Variants in SSH2 observed in about 807,000 individuals in gnomAD.
SSH2 encodes slingshot protein phosphatase 2, also known as protein phosphatase Slingshot homolog 2.
SSH2 carries 37 observed loss-of-function variants against 135.2 expected under a neutral mutation model. The observed-to-expected ratio is 0.27, with a 90% CI of 0.21 to 0.36. SSH2 has a LOEUF of 0.36. Ranked by LOEUF, SSH2 falls within the 10% of genes least tolerant of loss-of-function variation. SSH2 has a pLI of 1.00. For synonymous variants in SSH2, 628 were observed against 646.2 expected, an observed-to-expected ratio of 0.97 and a Z score of 0.43; for missense variants, 1,408 against 1,765.3, an observed-to-expected ratio of 0.80 and a Z score of 3.63.
chr17:29,664,440 G>A (rs1424854798), intron 11 of SSH2, among the ~76,000 whole-genome samples: 1 of 151,756 alleles, frequency 6.6e-6, no homozygotes. Flanking sequence ...TATCAGTCTT[G>A]ATGATTAAAT....
At chr17:29,761,885 A>ATTTTTT (rs199771095) in intron 3 of SSH2, among the ~76,000 whole-genome samples, 16 of 139,430 alleles carry the variant, frequency 1.1e-4, no homozygotes, top group African/African-American at 4.5e-4. Flanking sequence ...ATATATATAT[A>ATTTTTT]TATTTTTTTT....
At chr17:29,741,934 C>CTTTTTTTTTTTT (rs71138848) in intron 3 of SSH2, among the ~76,000 whole-genome samples, 21 of 97,938 alleles carry the variant, frequency 2.1e-4, no homozygotes, top group African/African-American at 3.6e-4. Flanking sequence ...ATTTTTTTTT[C>CTTTTTTTTTTTT]TTTTTTTTTT....
intron 2 of SSH2, among the ~76,000 whole-genome samples, chr17:29,816,183 C>T (rs1166168470): frequency 6.6e-6 from 1 of 152,038 alleles, no homozygotes; most frequent in East Asian, 1.9e-4. Context: ...GTACAAGTAT[C>T]CCAGGGTCAT....
chr17:29,643,741 G>T (rs1358068740), intron 14 of SSH2, among the ~76,000 whole-genome samples: 1 of 152,056 alleles, frequency 6.6e-6, no homozygotes, highest in Non-Finnish European at 1.5e-5. Flanking sequence ...TGATCCACCC[G>T]CCTCGGCCTC....
Position 29,626,069 on chromosome 17 carries a change from C to T in SSH2, c.*4772G>A, listed in dbSNP as rs1333894639. 6.6e-6 allele frequency: 1 copy of T among 152,542 alleles called. No homozygotes were observed. The highest frequency in any genetic ancestry group is 2.4e-5 in the African/African-American group (1 of 41,432). The allele number at this position is 152,542 out of a possible 1,614,324, so 9.4% of individuals were successfully genotyped here. On this transcript the variant is annotated 3_prime_UTR_variant, in exon 16 of 16. Transcript: ENST00000540801. ...AAAATCTATGATACAAGTGGAACATCCCAACCACCAGGAAGATTAAGGAAG... is the reference window on the plus strand; with the variant it reads ...AAAATCTATGATACAAGTGGAACATTCCAACCACCAGGAAGATTAAGGAAG...
intron 3 of SSH2, among the ~76,000 whole-genome samples, chr17:29,740,523 G>A (rs1248994375): frequency 6.6e-6 from 1 of 151,542 alleles, no homozygotes; most frequent in African/African-American, 2.4e-5. Flanking sequence ...TTTAAAGAAA[G>A]AGCCTTTGAG....
chr17:29,913,347 A>AAAAAAAAAAAAAAATTAT lies in SSH2; in HGVS notation c.63+16590_63+16591insATAATTTTTTTTTTTTTT. The stretch of plus-strand genomic sequence containing the variant: ...AAAAAAAAAAAAAAAAAAAAAAAAA[A>AAAAAAAAAAAAAAATTAT]ATATATATATATATATATATATATA... On this transcript the variant is annotated intron_variant, in intron 1 of 15. Coordinates refer to ENST00000540801, the MANE Select transcript of SSH2 (RefSeq NM_001282129.2). 2.8e-4 allele frequency among the ~76,000 whole-genome samples: 8 copies of AAAAAAAAAAAAAAATTAT among 28,786 alleles called. 3 individuals carry two copies. Among genetic ancestry groups the AAAAAAAAAAAAAAATTAT allele is most frequent in the Non-Finnish European group, 2.9e-4 (5 of 16,996 alleles). 18.9% of individuals were successfully genotyped at this position (28,786 alleles called of 152,430 possible).
At chr17:29,795,117 C>G (rs1328445914) in intron 2 of SSH2, among the ~76,000 whole-genome samples, 1 of 152,222 alleles carries the variant, frequency 6.6e-6, no homozygotes, top group Admixed American at 6.5e-5. Flanking sequence ...ACCTTTACAT[C>G]ATTCTGCCTC....
chr17:29,756,071 G>C (rs1378211003), intron 3 of SSH2, among the ~76,000 whole-genome samples: 2 of 151,088 alleles, frequency 1.3e-5, no homozygotes, highest in Non-Finnish European at 3.0e-5. Flanking sequence ...TTGGAGACCA[G>C]CCTGACCAAC....
intron 1 of SSH2, among the ~76,000 whole-genome samples, chr17:29,885,767 T>C (rs1282269114): frequency 6.6e-6 from 1 of 152,136 alleles, no homozygotes; most frequent in Non-Finnish European, 1.5e-5. Flanking sequence ...GTTCTGGTGA[T>C]AGCAAGTCTC....
At chr17:29,725,191 CAAA>C (rs935324450) in intron 3 of SSH2, among the ~76,000 whole-genome samples, 13 of 151,346 alleles carry the variant, frequency 8.6e-5, no homozygotes, top group African/African-American at 2.9e-4. Context: ...ACTAAAAATA[CAAA>C]AAATTAGCCG....
chr17:29,905,924 A>C (rs952149187), intron 1 of SSH2, among the ~76,000 whole-genome samples: 11 of 152,212 alleles, frequency 7.2e-5, no homozygotes, highest in African/African-American at 2.6e-4. Context: ...AGTTTCAGAG[A>C]CCTGCAGAGA....
intron 2 of SSH2, among the ~76,000 whole-genome samples, chr17:29,794,275 TACC>T (rs2042121135): frequency 1.3e-5 from 2 of 152,206 alleles, no homozygotes. Flanking sequence ...GCATTCTGAC[TACC>T]ACCAATAAAT....
chr17:29,762,144 G>A (rs1420347372), intron 3 of SSH2, among the ~76,000 whole-genome samples: 1 of 151,964 alleles, frequency 6.6e-6, no homozygotes, highest in Non-Finnish European at 1.5e-5. Context: ...GCCTCCCAAA[G>A]TGCTGGGATT....
At chr17:29,780,020 C>T (rs556211948) in intron 3 of SSH2, among the ~76,000 whole-genome samples, 33 of 151,864 alleles carry the variant, frequency 2.2e-4, no homozygotes, top group African/African-American at 8.0e-4. Flanking sequence ...TGTTCGAGAC[C>T]AGTCTGGCCA....
chr17:29,783,482 C>T (rs1019234784), intron 3 of SSH2, among the ~76,000 whole-genome samples: 5 of 151,914 alleles, frequency 3.3e-5, no homozygotes, highest in East Asian at 1.9e-4. Flanking sequence ...GAGGGCAGGA[C>T]GCATCCAGCA....
chr17:29,866,523 G>A (rs2065858723), intron 1 of SSH2, among the ~76,000 whole-genome samples: 1 of 152,108 alleles, frequency 6.6e-6, no homozygotes, highest in Non-Finnish European at 1.5e-5. Context: ...ATACAGACAG[G>A]GAAAAGCCAA....
intron 1 of SSH2, among the ~76,000 whole-genome samples, chr17:29,909,279 T>C (rs1309970484): frequency 6.6e-6 from 1 of 152,168 alleles, no homozygotes; most frequent in Non-Finnish European, 1.5e-5. Flanking sequence ...GTCCCCCTTT[T>C]TACTAACAAA....
chr17:29,903,678 A>C (rs1457853174), intron 1 of SSH2, among the ~76,000 whole-genome samples: 1 of 152,146 alleles, frequency 6.6e-6, no homozygotes, highest in East Asian at 1.9e-4. Flanking sequence ...GGAACTGATT[A>C]TTTCGCTCTT....
Sources: gnomAD v4.1 joint callset for allele counts (sites outside exome capture counted in the v4.1 genomes callset) on GRCh38, gnomAD v4.1.1 for gene constraint, MANE v1.5 for transcripts, NCBI Gene and HGNC (gene_info 2026-07-23, HGNC 2026-07-21) for gene names.